The following MARCHF4 variants were observed in gnomAD, a reference collection of about 807,000 sequenced individuals.
The protein encoded by MARCHF4 is E3 ubiquitin-protein ligase MARCHF4.
MARCHF4 carries 14 observed loss-of-function variants against 43.9 expected under a neutral mutation model. The observed-to-expected ratio is 0.32, with a 90% CI of 0.21 to 0.50. The LOEUF is 0.50. Among genes scored for constraint, MARCHF4 ranks in the 20% least tolerant of loss-of-function variants. The pLI is 0.98. For synonymous variants in MARCHF4, 226 were observed against 213.3 expected (o/e 1.06, Z -0.52); for missense variants, 468 against 536.7 (o/e 0.87, Z 1.27).
chr2:216,278,313 T>A (rs1691063234), intron 2 of MARCHF4, among the ~76,000 whole-genome samples: 1 of 152,178 alleles, frequency 6.6e-6, no homozygotes, highest in Non-Finnish European at 1.5e-5. Flanking sequence ...AAGCTCCACC[T>A]CCCGGGTTCA....
chr2:216,291,371 G>A (rs1036891376), intron 1 of MARCHF4, among the ~76,000 whole-genome samples: 4 of 152,180 alleles, frequency 2.6e-5, no homozygotes, highest in African/African-American at 7.2e-5. Context: ...AAAGGCATAC[G>A]CTGAGAGTGA....
At chr2:216,344,346 T>C (rs1327820120) in intron 1 of MARCHF4, among the ~76,000 whole-genome samples, 2 of 152,104 alleles carry the variant, frequency 1.3e-5, no homozygotes, top group East Asian at 3.9e-4. Flanking sequence ...AATTTCATGG[T>C]GGGGGCGTGG....
intron 2 of MARCHF4, 127 bp downstream of exon 2, chr2:216,283,447 C>T: frequency 8.4e-7 from 1 of 1,197,048 alleles, no homozygotes; most frequent in Non-Finnish European, 1.2e-6. Flanking sequence ...CCGTGCTTGC[C>T]CACCCAGCCC....
chr2:216,278,005 T>A (rs376930129), intron 2 of MARCHF4, 141 bp from the exon 3 acceptor site: 2 of 682,840 alleles, frequency 2.9e-6, no homozygotes, highest in Non-Finnish European at 4.6e-6. Flanking sequence ...ACAATGAGCA[T>A]TTTGCAGGTT....
At position 216,337,572 on chromosome 2, in the gene MARCHF4, T is replaced by C. The variant is rs114653358; in HGVS notation, c.516+32173A>G. Among the ~76,000 whole-genome samples the C allele has an allele frequency of 2.8e-3, 423 of 152,046 alleles. 2 individuals carry two copies. The highest frequency in any genetic ancestry group is 9.8e-3 in the African/African-American group (406 of 41,326). On this transcript the variant is annotated intron_variant, in intron 1 of 3. Transcript: ENST00000273067. ...CACACTGAAAATGTGTTATTCTTTA[T>C]AAAAAGAAAAAAGAGTTTTTAATCA...
In MARCHF4 at chr2:216,364,810, C is replaced by T. The variant is rs13390519; in HGVS notation, c.516+4935G>A. ...TCCTGTAGACCAAAGGACAGTTATC[C>T]CCATTTGGCTAGTACAGAATCCAGA... On this transcript the variant is annotated intron_variant, in intron 1 of 3. Coordinates refer to ENST00000273067, the MANE Select transcript of MARCHF4 (RefSeq NM_020814.3). Among the ~76,000 whole-genome samples the T allele has an allele frequency of 8.3e-3, 1,271 of 152,300 alleles. 14 individuals are homozygous for T. Among genetic ancestry groups the T allele is most frequent in the African/African-American group, 0.029 (1,201 of 41,538 alleles).
At position 216,369,888 on chromosome 2, in the gene MARCHF4, C is replaced by G. The variant is rs1373218775; in HGVS notation, c.373G>C (p.Glu125Gln). 1.2e-6 allele frequency: 2 copies of G among 1,613,904 alleles called. No individual in the cohort carries two copies. The highest frequency in any genetic ancestry group is 4.5e-5 in the East Asian group (2 of 44,870). Residue 125 changes from glutamate (E) to glutamine (Q), a missense_variant, in exon 1 of 4, where the codon GAG (glutamate) becomes CAG (glutamine). Transcript: ENST00000273067. Reference sequence around the variant, plus strand: ...CTGCTGAGCAGCGAGGCAGGTGGCTCTGTGGCTGGGCCACCCCAGTCATCT... The same window carrying G: ...CTGCTGAGCAGCGAGGCAGGTGGCTGTGTGGCTGGGCCACCCCAGTCATCT... ...VEDDWGGPAT[E>Q]PPASLLSSAS...
intron 1 of MARCHF4, among the ~76,000 whole-genome samples, chr2:216,355,986 T>C (rs6723201): frequency 0.09 from 13,768 of 152,304 alleles, 773 homozygotes; most frequent in South Asian, 0.24. Context: ...TGGCTGGTTT[T>C]GGCACTTGTT....
chr2:216,300,816 AG>A (rs1433404410), intron 1 of MARCHF4, among the ~76,000 whole-genome samples: 1 of 152,172 alleles, frequency 6.6e-6, no homozygotes. Context: ...AAGGAATCAA[AG>A]GGTATCTCTT....
chr2:216,272,364 C>G (rs911602898), intron 3 of MARCHF4, among the ~76,000 whole-genome samples: 1 of 152,110 alleles, frequency 6.6e-6, no homozygotes, highest in African/African-American at 2.4e-5. Context: ...CCTCCCAAAC[C>G]CTGAATATAG....
intron 3 of MARCHF4, among the ~76,000 whole-genome samples, chr2:216,269,531 C>G (rs1690899186): frequency 6.6e-6 from 1 of 152,198 alleles, no homozygotes; most frequent in South Asian, 2.1e-4. Flanking sequence ...GACACAGGTT[C>G]AGGCGATCTC....
At chr2:216,281,420 T>G (rs909890464) in intron 2 of MARCHF4, among the ~76,000 whole-genome samples, 1 of 152,210 alleles carries the variant, frequency 6.6e-6, no homozygotes, top group Non-Finnish European at 1.5e-5. Context: ...CCAGGAGACC[T>G]GGAAGGAGCT....
intron 1 of MARCHF4, among the ~76,000 whole-genome samples, chr2:216,339,160 G>A (rs191146878): frequency 1.3e-5 from 2 of 152,342 alleles, no homozygotes; most frequent in African/African-American, 2.4e-5. Context: ...TGTAGTTTGA[G>A]AGGACAGACC....
At chr2:216,302,198 G>A (rs1279623781) in intron 1 of MARCHF4, among the ~76,000 whole-genome samples, 1 of 151,992 alleles carries the variant, frequency 6.6e-6, no homozygotes, top group Non-Finnish European at 1.5e-5. Flanking sequence ...TTTTTATTGT[G>A]CATTTTGATA....
At chr2:216,334,609 C>T (rs993365997) in intron 1 of MARCHF4, among the ~76,000 whole-genome samples, 4 of 152,112 alleles carry the variant, frequency 2.6e-5, no homozygotes, top group African/African-American at 7.2e-5. Flanking sequence ...CTTCCTTGCC[C>T]AGCCTGGTCT....
intron 1 of MARCHF4, among the ~76,000 whole-genome samples, chr2:216,367,040 A>G (rs1266121200): frequency 6.6e-6 from 1 of 152,192 alleles, no homozygotes; most frequent in East Asian, 1.9e-4. Flanking sequence ...CAAATATTGC[A>G]AGCTGTTGGC....
intron 1 of MARCHF4, among the ~76,000 whole-genome samples, chr2:216,288,411 A>G (rs1344043708): frequency 6.6e-6 from 1 of 152,100 alleles, no homozygotes; most frequent in African/African-American, 2.4e-5. Context: ...TCTATTTCCT[A>G]CTGTCACTCT....
intron 1 of MARCHF4, among the ~76,000 whole-genome samples, chr2:216,338,654 A>G (rs150877494): frequency 1.7e-3 from 255 of 152,034 alleles, no homozygotes; most frequent in African/African-American, 5.9e-3. Context: ...TGCCACCTCT[A>G]TAATTAGTTC....
chr2:216,307,779 G>A (rs554610456), intron 1 of MARCHF4, among the ~76,000 whole-genome samples: 10 of 152,270 alleles, frequency 6.6e-5, no homozygotes, highest in South Asian at 2.1e-4. Context: ...TCATTCATTC[G>A]TTCATGAAAT....
Sources: gnomAD v4.1 joint callset for allele counts (sites outside exome capture counted in the v4.1 genomes callset) on GRCh38, gnomAD v4.1.1 for gene constraint, MANE v1.5 for transcripts, NCBI Gene and HGNC (gene_info 2026-07-23, HGNC 2026-07-21) for gene names.